The following BDP1 variants were observed in gnomAD, a reference collection of about 807,000 sequenced individuals.
The protein encoded by BDP1 is BDP1 general transcription factor IIIB subunit.
In BDP1, 169 loss-of-function variants were observed where a neutral mutation model predicts 266.6. That is an observed-to-expected ratio of 0.63 (90% CI 0.56 to 0.72). BDP1 has a LOEUF of 0.72. Among genes scored for constraint, BDP1 ranks in the 30% least tolerant of loss-of-function variants. The pLI is 0.00. For missense variants in BDP1, 3,015 were observed against 3,053.8 expected (o/e 0.99, Z 0.30); for synonymous variants, 1,090 against 1,022.4 (o/e 1.07, Z -1.26).
intron 7 of BDP1, among the ~76,000 whole-genome samples, chr5:71,475,274 A>G (rs1762514812): frequency 6.6e-6 from 1 of 152,066 alleles, no homozygotes; most frequent in Non-Finnish European, 1.5e-5. Flanking sequence ...TGCCCAGCTA[A>G]TTAAAAAAAT....
chr5:71,522,518 AT>A (rs771564411), intron 23 of BDP1, 28 bp downstream of exon 23: 48 of 1,360,910 alleles, frequency 3.5e-5, no homozygotes, highest in East Asian at 4.9e-5. Flanking sequence ...AAAAAAAAAA[AT>A]TTTTTTTCTC....
intron 17 of BDP1, among the ~76,000 whole-genome samples, chr5:71,511,853 G>A (rs1242468882): frequency 8.5e-5 from 13 of 152,154 alleles, no homozygotes; most frequent in Admixed American, 8.5e-4. Context: ...ACTAACCCTA[G>A]CGTGAACACA....
intron 16 of BDP1, among the ~76,000 whole-genome samples, chr5:71,506,500 G>T (rs1316821798): frequency 6.6e-6 from 1 of 151,950 alleles, no homozygotes; most frequent in African/African-American, 2.4e-5. Context: ...CTTTAGGCTG[G>T]GCATGGTGAC....
rs779577452 is a variant in BDP1, at chr5:71,560,136, G to A, written c.7395G>A (p.Gln2465=). 10 of 1,614,014 alleles carry A rather than the reference G, an allele frequency of 6.2e-6. No homozygotes were observed. The highest frequency in any genetic ancestry group is 8.5e-6 in the Non-Finnish European group (10 of 1,180,024). ...CMDKNVPQLP[Q]DEMIVSDKEE... ...ACAAGAATGTGCCTCAGTTACCTCAGGATGAAATGATTGTGTCTGATAAGG... is the reference window on the plus strand; with the variant it reads ...ACAAGAATGTGCCTCAGTTACCTCAAGATGAAATGATTGTGTCTGATAAGG... Residue 2465 remains glutamine, a synonymous_variant, in exon 37 of 39, where the codon CAG becomes CAA. Transcript: ENST00000358731.
At chr5:71,550,138 G>C (rs1742642718) in intron 34 of BDP1, among the ~76,000 whole-genome samples, 1 of 152,120 alleles carries the variant, frequency 6.6e-6, no homozygotes, top group Admixed American at 6.5e-5. Flanking sequence ...TTAATCCCAG[G>C]GCTTTGGGAG....
intron 16 of BDP1, among the ~76,000 whole-genome samples, chr5:71,508,795 C>T (rs1437834369): frequency 6.6e-6 from 1 of 152,142 alleles, no homozygotes; most frequent in African/African-American, 2.4e-5. Context: ...AAAAGTGCTG[C>T]TGCTTTTCTG....
At chr5:71,460,117 C>T (rs1231303810) in intron 2 of BDP1, among the ~76,000 whole-genome samples, 3 of 152,152 alleles carry the variant, frequency 2.0e-5, no homozygotes, top group Non-Finnish European at 4.4e-5. Flanking sequence ...CAGTGGCTCA[C>T]GCCTGTAATC....
chr5:71,563,337 G>A (rs1231899321), intron 38 of BDP1, among the ~76,000 whole-genome samples: 1 of 152,072 alleles, frequency 6.6e-6, no homozygotes, highest in African/African-American at 2.4e-5. Context: ...TAGTAGAGGC[G>A]GGATTTCGCC....
chr5:71,455,836 G>A lies in BDP1; in HGVS notation c.-42G>A. The A allele has an allele frequency of 6.6e-7, 1 of 1,521,022 alleles. No individual in the cohort carries two copies. The highest frequency in any genetic ancestry group is 8.9e-7 in the Non-Finnish European group (1 of 1,127,698). 94.2% of individuals were successfully genotyped at this position (1,521,022 alleles called of 1,614,324 possible). A position where few individuals can be genotyped will look rare whatever the true frequency, so the allele number is the denominator to read the frequency against. ...GGCAGCCGCCGGGGCTCGGGGCTGT[G>A]AGCGGCCGTGAGGCTGCCTCCCCGG... is the stretch of plus-strand genomic sequence containing the variant. On this transcript the variant is annotated 5_prime_UTR_variant, in exon 1 of 39. Coordinates refer to ENST00000358731, the MANE Select transcript of BDP1 (RefSeq NM_018429.3).
intron 25 of BDP1, among the ~76,000 whole-genome samples, chr5:71,525,267 A>ACC (rs1257894176): frequency 8.8e-6 from 1 of 113,348 alleles, no homozygotes; most frequent in Non-Finnish European, 1.8e-5. Flanking sequence ...CGGGGGGCTG[A>ACC]CCCCCCCCAC....
Position 71,541,584 on chromosome 5 carries a change from T to C in BDP1, c.6153T>C (p.Pro2051=), listed in dbSNP as rs1167854453. ...ELSSPVITTS[P]ASFEENKIVL... is the part of the protein sequence containing the mutation. Reference sequence around the variant, plus strand: ...CTTCACCTGTCATTACTACATCTCCTGCATCATTTGAAGAAAACAAGATTG... The same window carrying C: ...CTTCACCTGTCATTACTACATCTCCCGCATCATTTGAAGAAAACAAGATTG... The change falls in exon 29 of 39, where the codon CCT becomes CCC. Residue 2051 remains proline (P), a synonymous_variant. Transcript: ENST00000358731. The C allele has an allele frequency of 1.2e-6, 2 of 1,612,226 alleles. No homozygotes were observed. Among genetic ancestry groups the C allele is most frequent in the African/African-American group, 1.3e-5 (1 of 74,872 alleles).
Position 71,510,674 on chromosome 5 carries a change from G to A in BDP1, c.3582G>A (p.Glu1194=). The A allele has an allele frequency of 6.2e-7, 1 of 1,612,576 alleles. No homozygotes were observed. Among genetic ancestry groups the A allele is most frequent in the Non-Finnish European group, 8.5e-7 (1 of 1,179,598 alleles). The part of the protein sequence containing the change: ...EKTREVIDAA[E]VIETDLEETE... ...CACGAGAGGTGATTGATGCTGCTGAGGTAATAGAGACAGATTTGGAAGAAA... is the reference window on the plus strand; with the variant it reads ...CACGAGAGGTGATTGATGCTGCTGAAGTAATAGAGACAGATTTGGAAGAAA... The change falls in exon 17 of 39, where the codon GAG becomes GAA. Residue 1194 remains glutamate, a synonymous_variant. Coordinates refer to ENST00000358731, the MANE Select transcript of BDP1 (RefSeq NM_018429.3).
chr5:71,532,143 T>A (rs898219634), intron 25 of BDP1, among the ~76,000 whole-genome samples, 165 bp from the exon 26 acceptor site: 1 of 152,244 alleles, frequency 6.6e-6, no homozygotes, highest in African/African-American at 2.4e-5. Context: ...GCCAAGTTGC[T>A]GTCAGTCAAT....
In BDP1 at chr5:71,506,246, A is replaced by G. The variant is rs1017796551; in HGVS notation, c.2372+1495A>G. Among the ~76,000 whole-genome samples the G allele has an allele frequency of 3.4e-4, 52 of 152,288 alleles. 1 individual carries two copies. Among genetic ancestry groups the G allele is most frequent in the African/African-American group, 1.3e-3 (52 of 41,554 alleles). On this transcript the variant is annotated intron_variant, in intron 16 of 38. Coordinates refer to ENST00000358731, the MANE Select transcript of BDP1 (RefSeq NM_018429.3). ...TGGTGGACACTGTAACTAATACTCA[A>G]TCTGATCTCAACAACTTTCCTCTCC...
chr5:71,572,243 C>G (rs1373812811), downstream of BDP1, among the ~76,000 whole-genome samples: 1 of 152,132 alleles, frequency 6.6e-6, no homozygotes. Flanking sequence ...ACAAGGTGTC[C>G]CCTGACCCTT....
At chr5:71,472,563 G>A (rs1324339701) in intron 7 of BDP1, among the ~76,000 whole-genome samples, 1 of 152,104 alleles carries the variant, frequency 6.6e-6, no homozygotes, top group Non-Finnish European at 1.5e-5. Flanking sequence ...TGGTCATAGT[G>A]TATTCTTTTT....
chr5:71,477,833 T>C (rs1580014540), intron 7 of BDP1, among the ~76,000 whole-genome samples: 1 of 151,978 alleles, frequency 6.6e-6, no homozygotes, highest in African/African-American at 2.4e-5. Context: ...TCGCCCAGGC[T>C]GGTCTCAAAC....
At position 71,470,457 on chromosome 5, in the gene BDP1, CT is replaced by C; in HGVS notation, c.987del (p.Pro330LeufsTer6). Reference protein sequence around the residue: ...VGTDFSMIGQLFPHRARIEIK... With the variant: ...VGTDFSMIGQXFPHRARIEIK... Reference sequence around the variant, plus strand: ...AACTGACTTTTCTATGATCGGACAACTTTTTCCTCACAGAGCAAGGATAGAA... The same window carrying C: ...AACTGACTTTTCTATGATCGGACAACTTTTCCTCACAGAGCAAGGATAGAA... On this transcript the variant is annotated frameshift_variant, in exon 7 of 39. Coordinates refer to ENST00000358731, the MANE Select transcript of BDP1 (RefSeq NM_018429.3). LOFTEE classifies it high-confidence loss of function. 2 of 1,612,030 alleles carry C rather than the reference CT, an allele frequency of 1.2e-6. No individual in the cohort carries two copies. Among genetic ancestry groups the C allele is most frequent in the South Asian group, 2.2e-5 (2 of 90,532 alleles).
chr5:71,510,821 G>A lies in BDP1; in HGVS notation c.3729G>A (p.Glu1243=), dbSNP rs769333962. The A allele has an allele frequency of 1.2e-6, 2 of 1,613,502 alleles. No homozygotes were observed. The highest frequency in any genetic ancestry group is 2.2e-5 in the South Asian group (2 of 90,992). Residue 1243 remains glutamate, a synonymous_variant, in exon 17 of 39, where the codon GAG becomes GAA. Transcript: ENST00000358731. ...EISQREKVLA[E]FSAIREKEID... is the part of the protein sequence containing the mutation. ...CCCAAAGGGAAAAGGTGCTAGCAGA[G>A]TTCAGTGCTATAAGGGAAAAGGAGA...
Sources: allele counts gnomAD v4.1 joint callset (sites outside exome capture counted in the v4.1 genomes callset), GRCh38; gene constraint gnomAD v4.1.1; transcripts MANE v1.5; gene names NCBI Gene and HGNC (gene_info 2026-07-23, HGNC 2026-07-21).